ATXN7: variants seen among roughly 807,000 people sequenced by gnomAD.
ATXN7 encodes the protein ataxin-7.
ATXN7 carries 12 observed loss-of-function variants against 70.5 expected under a neutral mutation model. The ratio of observed to expected loss-of-function variants is 0.17; its 90% CI spans 0.11 to 0.28. ATXN7 has a LOEUF of 0.28. Ranked by LOEUF, ATXN7 falls within the 10% of genes least tolerant of loss-of-function variation. The pLI, the probability that ATXN7 is intolerant of heterozygous loss-of-function variation, is 1.00. For synonymous variants in ATXN7, 498 were observed against 448.7 expected (o/e 1.11, Z -1.39); for missense variants, 1,256 against 1,131.7 (o/e 1.11, Z -1.58).
At chr3:63,983,513 T>C (rs1044811806) in intron 8 of ATXN7, among the ~76,000 whole-genome samples, 1 of 152,102 alleles carries the variant, frequency 6.6e-6, no homozygotes, top group Non-Finnish European at 1.5e-5. Flanking sequence ...AAGCCAGGCA[T>C]GCCTGTAAGT....
intron 4 of ATXN7, among the ~76,000 whole-genome samples, chr3:63,949,822 C>T (rs1314383361): frequency 6.6e-6 from 1 of 152,136 alleles, no homozygotes; most frequent in African/African-American, 2.4e-5. Flanking sequence ...AAATTAAGAA[C>T]CGAGTTTTCC....
chr3:63,982,746 G>A (rs1207831567), intron 7 of ATXN7, 193 bp from the exon 8 acceptor site: 6 of 611,880 alleles, frequency 9.8e-6, no homozygotes, highest in Non-Finnish European at 8.6e-6. Context: ...GATGGCAGTA[G>A]TCACCCCCTG....
chr3:63,894,225 C>A (rs1436445315), intron 1 of ATXN7, among the ~76,000 whole-genome samples: 3 of 152,190 alleles, frequency 2.0e-5, no homozygotes, highest in Non-Finnish European at 4.4e-5. Context: ...AGTTATCCCC[C>A]TCCAGGAAAG....
At chr3:63,895,783 G>GTC (rs60094587) in intron 1 of ATXN7, among the ~76,000 whole-genome samples, 3,014 of 144,416 alleles carry the variant, frequency 0.021, 109 homozygotes, top group African/African-American at 0.069. Flanking sequence ...TTGTTTCTCT[G>GTC]TCTCTCTCTC....
intron 5 of ATXN7, among the ~76,000 whole-genome samples, chr3:63,971,037 G>T (rs144327247): frequency 7.9e-5 from 12 of 152,290 alleles, no homozygotes; most frequent in African/African-American, 2.6e-4. Context: ...AAGCACCTCC[G>T]CATTAGGGGG....
chr3:63,962,717 T>C (rs2075150796), intron 5 of ATXN7, among the ~76,000 whole-genome samples: 1 of 152,014 alleles, frequency 6.6e-6, no homozygotes. Flanking sequence ...CAACTTCTAA[T>C]ACTGAAGATT....
chr3:63,954,707 T>G (rs968354487), intron 5 of ATXN7, among the ~76,000 whole-genome samples: 2 of 145,660 alleles, frequency 1.4e-5, no homozygotes, highest in Non-Finnish European at 3.0e-5. Context: ...GTGTTTTTTT[T>G]TTTGTTTTTT....
intron 4 of ATXN7, among the ~76,000 whole-genome samples, chr3:63,949,518 C>T (rs976913702): frequency 6.6e-6 from 1 of 152,112 alleles, no homozygotes; most frequent in Admixed American, 6.5e-5. Context: ...CCTGCCTCAG[C>T]CTCCTGAGTA....
At chr3:63,867,067 G>T (rs1437576413) in intron 1 of ATXN7, 1 of 151,602 alleles carries the variant, frequency 6.6e-6, no homozygotes, top group Non-Finnish European at 1.5e-5. Flanking sequence ...AGCTATATAT[G>T]GTCTTTATTC....
At chr3:63,879,242 AAG>A (rs776704193) in intron 1 of ATXN7, among the ~76,000 whole-genome samples, 90 of 152,208 alleles carry the variant, frequency 5.9e-4, no homozygotes, top group Non-Finnish European at 1.1e-3. Flanking sequence ...TAAATATTCA[AAG>A]AGAGAATCTG....
At chr3:63,898,920 A>G (rs1703526364) in intron 2 of ATXN7, among the ~76,000 whole-genome samples, 1 of 152,194 alleles carries the variant, frequency 6.6e-6, no homozygotes, top group South Asian at 2.1e-4. Context: ...AGGGAAGATC[A>G]TCAGCAAGAC....
rs567367081 is a variant in ATXN7 at position 63,968,462 on chromosome 3, GGTAA to G, written c.500-11450_500-11447del. 1.1e-4 allele frequency: 17 copies of G among 152,674 alleles called. No homozygotes were observed. In the South Asian group the frequency reaches 3.5e-3, roughly 31 times the overall value. 9.5% of individuals were successfully genotyped at this position (152,674 alleles called of 1,614,324 possible). ...ACTGTTTGTTTTTTATCTTACTTGT[GGTAA>G]GTGAGGTTTCATGACAGGCAGTTTG... is the stretch of plus-strand genomic sequence containing the variant. On this transcript the variant is annotated intron_variant, in intron 5 of 12. Coordinates refer to ENST00000674280, the MANE Select transcript of ATXN7 (RefSeq NM_001377405.1).
Position 63,982,397 on chromosome 3 carries a change from C to T in ATXN7, c.964C>T (p.Pro322Ser). 1 of 1,613,174 alleles carries T rather than the reference C, an allele frequency of 6.2e-7. No individual in the cohort carries two copies. Among genetic ancestry groups the T allele is most frequent in the South Asian group, 1.1e-5 (1 of 91,032 alleles). The part of the protein sequence containing the change: ...LPAPPTLEKK[P>S]EDNSNNRKFL... ...TGCACCGCCCACTCTGGAAAAGAAA[C>T]CTGAAGACAATTCCAATAATAGGAA... Residue 322 changes from proline to serine, a missense_variant, in exon 7 of 13, where the codon CCT (proline) becomes TCT (serine). By Grantham distance (74) the Pro-to-Ser change is moderately conservative. Transcript: ENST00000674280.
At chr3:63,956,489 A>G (rs1297375740) in intron 5 of ATXN7, among the ~76,000 whole-genome samples, 2 of 151,840 alleles carry the variant, frequency 1.3e-5, no homozygotes, top group East Asian at 3.9e-4. Context: ...TTAAAAATAT[A>G]ATTCGAATCA....
intron 8 of ATXN7, among the ~76,000 whole-genome samples, chr3:63,987,610 T>C (rs2075598474): frequency 6.6e-6 from 1 of 152,222 alleles, no homozygotes; most frequent in Non-Finnish European, 1.5e-5. Context: ...AAAGAACACT[T>C]TCTGATACAT....
intron 4 of ATXN7, among the ~76,000 whole-genome samples, chr3:63,951,303 A>C (rs986458532): frequency 3.9e-5 from 6 of 152,048 alleles, no homozygotes; most frequent in African/African-American, 7.2e-5. Flanking sequence ...ACATCTCCTT[A>C]AGGAATTTTC....
chr3:63,941,008 T>A (rs1293621512), intron 4 of ATXN7, among the ~76,000 whole-genome samples: 1 of 152,172 alleles, frequency 6.6e-6, no homozygotes, highest in Admixed American at 6.5e-5. Flanking sequence ...TGTTGGTCAC[T>A]GTTGTAGCCC....
chr3:63,974,488 C>G (rs1176704912), intron 5 of ATXN7, among the ~76,000 whole-genome samples: 1 of 152,256 alleles, frequency 6.6e-6, no homozygotes, highest in Non-Finnish European at 1.5e-5. Context: ...TGTGCTTTCA[C>G]CCAGGTGCTG....
chr3:63,882,067 A>G (rs989526961), intron 1 of ATXN7, among the ~76,000 whole-genome samples: 1 of 152,198 alleles, frequency 6.6e-6, no homozygotes, highest in Admixed American at 6.5e-5. Flanking sequence ...TGCTGCACCC[A>G]GTGTGACAGT....
Sources: allele counts gnomAD v4.1 joint callset (sites outside exome capture counted in the v4.1 genomes callset), GRCh38; gene constraint gnomAD v4.1.1; transcripts MANE v1.5; gene names NCBI Gene and HGNC (gene_info 2026-07-23, HGNC 2026-07-21).